Variants in KLB observed in about 807,000 individuals in gnomAD.
KLB encodes the protein beta-klotho.
A neutral mutation model predicts 88.4 loss-of-function variants in KLB; 44 were observed. That is an observed-to-expected ratio of 0.50 (90% CI 0.39 to 0.64). KLB has a LOEUF of 0.64. KLB is among the 30% of genes least tolerant of loss of function. The probability of loss-of-function intolerance (pLI) is 0.00; values close to 1 mark genes in which losing one functional copy is unlikely to be tolerated. For synonymous variants in KLB, 548 were observed against 513.4 expected (o/e 1.07, Z -0.91); for missense variants, 1,137 against 1,304.8 (o/e 0.87, Z 1.98).
chr4:39,414,516 T>C (rs913562608), intron 1 of KLB, among the ~76,000 whole-genome samples: 4 of 152,106 alleles, frequency 2.6e-5, no homozygotes, highest in Non-Finnish European at 4.4e-5. Context: ...TATTTTCTTA[T>C]ATTAACCATT....
Position 39,448,518 on chromosome 4 carries a change from A to G in KLB, c.2967A>G (p.Leu989=). The change falls in exon 5 of 5, where the codon TTA becomes TTG. Residue 989 remains leucine (L), a synonymous_variant. Transcript: ENST00000257408. ...AAAATACAGAGTGCACTGTCTGCTT[A>G]TTCCTTGTGCAGAAGAAACCACTGA... ...TQENTECTVC[L]FLVQKKPLIF... 6.2e-7 allele frequency: 1 copy of G among 1,614,208 alleles called. No homozygotes were observed. The highest frequency in any genetic ancestry group is 8.5e-7 in the Non-Finnish European group (1 of 1,180,026).
At chr4:39,433,488 C>G (rs1452561158) in intron 1 of KLB, among the ~76,000 whole-genome samples, 1 of 152,210 alleles carries the variant, frequency 6.6e-6, no homozygotes, top group Non-Finnish European at 1.5e-5. Context: ...TATTATTACT[C>G]ATTTATAGGA....
chr4:39,436,430 G>A (rs942968531), intron 2 of KLB, among the ~76,000 whole-genome samples: 2 of 152,162 alleles, frequency 1.3e-5, no homozygotes, highest in Non-Finnish European at 2.9e-5. Flanking sequence ...TGGGCAGAAA[G>A]GGTGTCCATT....
Position 39,446,692 on chromosome 4 carries a change from T to C in KLB, c.1966T>C (p.Leu656=). Residue 656 remains leucine (L), a synonymous_variant, in exon 4 of 5, where the codon TTG becomes CTG. Transcript: ENST00000257408. The surrounding 1 kb of genome is among the most constrained non-coding windows in gnomAD (Gnocchi z 6.4). The part of the protein sequence containing the change: ...HAHLGLPEPL[L]HADGWLNPST... Reference sequence around the variant, plus strand: ...CCACCTAGGCCTCCCCGAGCCTCTGTTGCATGCCGACGGGTGGCTGAACCC... The same window carrying C: ...CCACCTAGGCCTCCCCGAGCCTCTGCTGCATGCCGACGGGTGGCTGAACCC... The C allele has an allele frequency of 1.9e-6, 3 of 1,611,170 alleles. No individual in the cohort carries two copies. The highest frequency in any genetic ancestry group is 2.5e-6 in the Non-Finnish European group (3 of 1,178,190).
At chr4:39,433,829 C>T (rs536806513) in intron 1 of KLB, among the ~76,000 whole-genome samples, 73 of 152,152 alleles carry the variant, frequency 4.8e-4, no homozygotes, top group African/African-American at 1.7e-3. Context: ...CACTACACTC[C>T]AGCCTAGGCG....
At chr4:39,414,433 T>G (rs149788667) in intron 1 of KLB, among the ~76,000 whole-genome samples, 1 of 152,298 alleles carries the variant, frequency 6.6e-6, no homozygotes, top group East Asian at 1.9e-4. Context: ...TTTGCCTTAT[T>G]TGTGAAATAC....
intron 1 of KLB, among the ~76,000 whole-genome samples, chr4:39,411,570 C>A (rs1011858524): frequency 1.4e-5 from 2 of 147,650 alleles, no homozygotes; most frequent in South Asian, 2.2e-4. Flanking sequence ...CCCAGGCTGG[C>A]GTGCAGTGGC....
At chr4:39,437,329 A>G (rs1404863252) in intron 2 of KLB, among the ~76,000 whole-genome samples, 1 of 152,196 alleles carries the variant, frequency 6.6e-6, no homozygotes, top group Non-Finnish European at 1.5e-5. Context: ...TCCTAGAATT[A>G]ATAGCTTATC....
rs59971011 is a variant in KLB at position 39,445,687 on chromosome 4, T to G, written c.1606-645T>G. The stretch of plus-strand genomic sequence containing the variant: ...GCCTGGCTAATCTTGTTTTTTTGTT[T>G]TTTTTTTTTTTTTTAGTAGAGACGG... On this transcript the variant is annotated intron_variant, in intron 3 of 4. Transcript: ENST00000257408. 2.2e-3 allele frequency among the ~76,000 whole-genome samples: 174 copies of G among 77,444 alleles called. 2 individuals are homozygous for G. Among genetic ancestry groups the G allele is most frequent in the East Asian group, 5.8e-3 (11 of 1,912 alleles). 50.8% of individuals were successfully genotyped at this position (77,444 alleles called of 152,430 possible).
In KLB at chr4:39,422,950, A is replaced by G. The variant is rs1023806893; in HGVS notation, c.826-11260A>G. Reference sequence around the variant, plus strand: ...CCTGGCTAATTTTTGTATTCTTAGTAGAGACAGGGTTTCACCATGTTGGCC... The same window carrying G: ...CCTGGCTAATTTTTGTATTCTTAGTGGAGACAGGGTTTCACCATGTTGGCC... On this transcript the variant is annotated intron_variant, in intron 1 of 4. Transcript: ENST00000257408. Among the ~76,000 whole-genome samples, 7 of 151,670 alleles carry G rather than the reference A, an allele frequency of 4.6e-5. 1 individual carries two copies. The highest frequency in any genetic ancestry group is 1.7e-4 in the African/African-American group (7 of 40,994).
chr4:39,414,175 C>T (rs1252003764), intron 1 of KLB, among the ~76,000 whole-genome samples: 1 of 151,962 alleles, frequency 6.6e-6, no homozygotes, highest in African/African-American at 2.4e-5. Flanking sequence ...AGAACAAGGA[C>T]ATTGACATGT....
chr4:39,448,943 A>G lies in KLB; in HGVS notation c.*257A>G, dbSNP rs981610641. ...AGGATTACATGCTACATTGCTTCTT[A>G]AAGTTTCATCAACTGTATTCCATCA... On this transcript the variant is annotated 3_prime_UTR_variant, in exon 5 of 5. Coordinates refer to ENST00000257408, the MANE Select transcript of KLB (RefSeq NM_175737.4). 7.7e-6 allele frequency: 3 copies of G among 388,430 alleles called. No individual in the cohort carries two copies. Among genetic ancestry groups the G allele is most frequent in the African/African-American group, 2.0e-5 (1 of 49,540 alleles). 24.1% of individuals were successfully genotyped at this position (388,430 alleles called of 1,614,324 possible). A position where few individuals can be genotyped will look rare whatever the true frequency, so the allele number is the denominator to read the frequency against.
Position 39,446,975 on chromosome 4 carries a change from C to T in KLB, c.2249C>T (p.Ala750Val), listed in dbSNP as rs752528789. ...LSLHADWAEP[A>V]NPYADSHWRA... ...CTGCACGCGGACTGGGCGGAACCCG[C>T]CAACCCCTATGCTGACTCGCACTGG... Residue 750 changes from alanine to valine, a missense_variant, in exon 4 of 5, where the codon GCC becomes GTC. Ala to Val is a moderately conservative substitution (Grantham distance 64, BLOSUM62 0). Around this residue, in one of 4 missense-constraint regions of KLB, gnomAD observed 426 missense variants for 404.6 expected, o/e 1.05. Transcript: ENST00000257408. The surrounding 1 kb of genome is among the most constrained non-coding windows in gnomAD (Gnocchi z 6.4). The T allele has an allele frequency of 6.2e-7, 1 of 1,608,268 alleles. No individual in the cohort carries two copies.
At chr4:39,431,854 A>T (rs1486847788) in intron 1 of KLB, among the ~76,000 whole-genome samples, 3 of 152,188 alleles carry the variant, frequency 2.0e-5, no homozygotes, top group Non-Finnish European at 4.4e-5. Context: ...CTTGTCTTTG[A>T]CCTACGTAAA....
chr4:39,435,448 G>A (rs918345356), intron 2 of KLB, among the ~76,000 whole-genome samples: 9 of 144,586 alleles, frequency 6.2e-5, no homozygotes, highest in African/African-American at 2.3e-4. Context: ...TTTTTGAAAC[G>A]GAGTTTCACT....
chr4:39,444,663 C>G (rs1448466678), intron 3 of KLB, among the ~76,000 whole-genome samples: 4 of 152,220 alleles, frequency 2.6e-5, no homozygotes, highest in Non-Finnish European at 5.9e-5. Flanking sequence ...TTTGATCTTG[C>G]CTTGCCCCAT....
chr4:39,432,406 T>C (rs1743384372), intron 1 of KLB, among the ~76,000 whole-genome samples: 1 of 152,114 alleles, frequency 6.6e-6, no homozygotes, highest in Non-Finnish European at 1.5e-5. Flanking sequence ...GAAGGACAAT[T>C]CCACAGCTAA....
chr4:39,410,675 C>G (rs1433210942), intron 1 of KLB, among the ~76,000 whole-genome samples: 2 of 152,130 alleles, frequency 1.3e-5, no homozygotes, highest in East Asian at 3.9e-4. Flanking sequence ...TCTCCTGCCC[C>G]CTTGTGACCC....
intron 1 of KLB, among the ~76,000 whole-genome samples, chr4:39,409,788 G>A (rs1262631696): frequency 1.3e-5 from 2 of 151,682 alleles, no homozygotes; most frequent in African/African-American, 4.8e-5. Flanking sequence ...ACTGGGCGTC[G>A]TGGCACGTGC....
Sources: allele counts gnomAD v4.1 joint callset (sites outside exome capture counted in the v4.1 genomes callset), GRCh38; gene constraint gnomAD v4.1.1; regional missense constraint gnomAD v4.1.1; non-coding constraint Gnocchi (gnomAD v3.1); transcripts MANE v1.5; gene names NCBI Gene and HGNC (gene_info 2026-07-23, HGNC 2026-07-21).